The following MAPK10 variants were observed in gnomAD, a reference collection of about 807,000 sequenced individuals.
MAPK10 encodes JNK3 alpha protein kinase.
In MAPK10, 25 loss-of-function variants were observed where a neutral mutation model predicts 59.3. That is an observed-to-expected ratio of 0.42 (90% CI 0.31 to 0.59). The LOEUF is 0.59. Among genes scored for constraint, MAPK10 ranks in the 20% least tolerant of loss-of-function variants. The probability of loss-of-function intolerance (pLI) is 0.15; values close to 1 mark genes in which losing one functional copy is unlikely to be tolerated. For missense variants in MAPK10, 351 were observed against 568.9 expected, an observed-to-expected ratio of 0.62 and a Z score of 3.90; for synonymous variants, 190 against 200.5, an observed-to-expected ratio of 0.95 and a Z score of 0.44.
intron 2 of MAPK10, among the ~76,000 whole-genome samples, chr4:86,283,500 T>C (rs2148804313): frequency 6.6e-6 from 1 of 152,300 alleles, no homozygotes; most frequent in African/African-American, 2.4e-5. Context: ...CCTTACGACA[T>C]GATAAGACAC....
intron 1 of MAPK10, among the ~76,000 whole-genome samples, chr4:86,520,779 C>T (rs1351036140): frequency 6.6e-6 from 1 of 152,150 alleles, no homozygotes; most frequent in African/African-American, 2.4e-5. Context: ...GGCTGCTGTT[C>T]AGATTCTTTC....
chr4:86,523,963 G>A (rs1186524976), intron 1 of MAPK10, among the ~76,000 whole-genome samples: 1 of 152,154 alleles, frequency 6.6e-6, no homozygotes, highest in Non-Finnish European at 1.5e-5. Flanking sequence ...TCATGGGAGT[G>A]GATCCTACAT....
intron 1 of MAPK10, among the ~76,000 whole-genome samples, chr4:86,517,248 C>T (rs942518079): frequency 2.0e-5 from 3 of 151,054 alleles, no homozygotes; most frequent in Non-Finnish European, 4.4e-5. Flanking sequence ...GTATGAAACC[C>T]ACTTGAACAT....
chr4:86,247,006 G>A (rs537028348), intron 2 of MAPK10, among the ~76,000 whole-genome samples: 4 of 152,326 alleles, frequency 2.6e-5, no homozygotes, highest in South Asian at 4.1e-4. Flanking sequence ...TTACTCCTTG[G>A]TGGGAGGGTA....
At chr4:86,026,894 G>T (rs1392514422) in intron 13 of MAPK10, 1 of 152,114 alleles carries the variant, frequency 6.6e-6, no homozygotes, top group African/African-American at 2.4e-5. Context: ...AATTGGCTCT[G>T]CAGGGGGCAA....
intron 1 of MAPK10, among the ~76,000 whole-genome samples, chr4:86,478,787 C>G (rs1297215786): frequency 6.6e-6 from 1 of 152,204 alleles, no homozygotes; most frequent in African/African-American, 2.4e-5. Flanking sequence ...GATGGCAGTT[C>G]CACCAGGCCT....
chr4:86,388,612 A>C (rs143169655), intron 1 of MAPK10, among the ~76,000 whole-genome samples: 2 of 152,312 alleles, frequency 1.3e-5, no homozygotes, highest in Non-Finnish European at 2.9e-5. Flanking sequence ...ACAAAACCTT[A>C]GCTGACTTAC....
chr4:86,049,234 C>G (rs753233785), intron 11 of MAPK10, among the ~76,000 whole-genome samples: 2 of 152,028 alleles, frequency 1.3e-5, no homozygotes, highest in Admixed American at 6.6e-5. Context: ...GAGTTGATAA[C>G]GTTAATGAGT....
chr4:86,321,206 A>G, intron 2 of MAPK10, among the ~76,000 whole-genome samples: 1 of 151,974 alleles, frequency 6.6e-6, no homozygotes, highest in East Asian at 1.9e-4. Flanking sequence ...AACTAGAAAT[A>G]CCATTTGACC....
intron 4 of MAPK10, among the ~76,000 whole-genome samples, chr4:86,112,259 TG>T: frequency 6.6e-6 from 1 of 152,076 alleles, no homozygotes; most frequent in Non-Finnish European, 1.5e-5. Flanking sequence ...CTGCTAGCTT[TG>T]GGGTTTGTTT....
chr4:86,325,415 G>A (rs2096000251), intron 2 of MAPK10, among the ~76,000 whole-genome samples: 1 of 152,170 alleles, frequency 6.6e-6, no homozygotes, highest in Non-Finnish European at 1.5e-5. Context: ...AGTAATTAGT[G>A]GAGGCAATAT....
chr4:86,558,749 G>T (rs1274470950), intron 1 of MAPK10, among the ~76,000 whole-genome samples: 2 of 151,000 alleles, frequency 1.3e-5, no homozygotes, highest in African/African-American at 4.9e-5. Context: ...ACATAATTTT[G>T]ACATGTTGCA....
intron 1 of MAPK10, among the ~76,000 whole-genome samples, chr4:86,461,401 C>T (rs1751735543): frequency 6.6e-6 from 1 of 152,144 alleles, no homozygotes; most frequent in African/African-American, 2.4e-5. Context: ...TAGTTGAAAT[C>T]ATTAAGTTAT....
intron 4 of MAPK10, among the ~76,000 whole-genome samples, chr4:86,133,299 A>C (rs907069036): frequency 1.3e-5 from 2 of 152,250 alleles, no homozygotes; most frequent in Non-Finnish European, 2.9e-5. Context: ...AGAGAGCTGA[A>C]AAATAAAGTA....
chr4:86,178,094 C>A (rs555296840), intron 3 of MAPK10, among the ~76,000 whole-genome samples: 1 of 152,048 alleles, frequency 6.6e-6, no homozygotes, highest in East Asian at 1.9e-4. Flanking sequence ...CTATTTTTTT[C>A]TTATCTCCAG....
chr4:86,567,245 A>T (rs1761122852), intron 1 of MAPK10, among the ~76,000 whole-genome samples: 1 of 148,928 alleles, frequency 6.7e-6, no homozygotes, highest in Non-Finnish European at 1.5e-5. Context: ...TTTGAGATGG[A>T]GTTTTGCACT....
intron 2 of MAPK10, among the ~76,000 whole-genome samples, chr4:86,346,342 C>T (rs1170502006): frequency 6.6e-6 from 1 of 152,148 alleles, no homozygotes; most frequent in Non-Finnish European, 1.5e-5. Flanking sequence ...CACACATCCT[C>T]CCATATACTT....
intron 1 of MAPK10, among the ~76,000 whole-genome samples, chr4:86,379,354 T>G (rs1430805824): frequency 6.6e-6 from 1 of 152,206 alleles, no homozygotes; most frequent in African/African-American, 2.4e-5. Context: ...GGAAAACAAT[T>G]TGATTCACTG....
At chr4:86,256,511 AT>A (rs1408859811) in intron 2 of MAPK10, among the ~76,000 whole-genome samples, 1 of 152,046 alleles carries the variant, frequency 6.6e-6, no homozygotes, top group Admixed American at 6.5e-5. Flanking sequence ...GAGAAAAAAA[AT>A]TTTCAGATCT....
Sources: allele counts gnomAD v4.1 joint callset (sites outside exome capture counted in the v4.1 genomes callset), GRCh38; gene constraint gnomAD v4.1.1; transcripts MANE v1.5; gene names NCBI Gene and HGNC (gene_info 2026-07-23, HGNC 2026-07-21).